Variants in PPM1A observed in about 807,000 individuals in gnomAD.
PPM1A encodes protein phosphatase 1A.
A neutral mutation model predicts 35.0 loss-of-function variants in PPM1A; 7 were observed. The observed-to-expected ratio is 0.20, with a 90% CI of 0.11 to 0.38. The LOEUF (loss-of-function observed/expected upper bound fraction) is 0.38, where lower values mean the gene tolerates loss of function less well. Among genes scored for constraint, PPM1A ranks in the 10% least tolerant of loss-of-function variants. The pLI, the probability that PPM1A is intolerant of heterozygous loss-of-function variation, is 1.00. For missense variants in PPM1A, 239 were observed against 467.8 expected, an observed-to-expected ratio of 0.51 and a Z score of 4.51; for synonymous variants, 153 against 167.3, an observed-to-expected ratio of 0.91 and a Z score of 0.66.
In PPM1A at chr14:60,249,752, TG is replaced by T. The variant is rs913010874; in HGVS notation, c.-21+79del. On this transcript the variant is annotated intron_variant, in intron 1 of 5. Transcript: ENST00000395076. The surrounding 1 kb of genome is among the most constrained non-coding windows in gnomAD (Gnocchi z 4.5). Reference sequence around the variant, plus strand: ...GCGCGGCGGCGGCGGCGGGCAGGCCTGGGGCCTGTAAACAAGCCGGGCGTCT... The same window carrying T: ...GCGCGGCGGCGGCGGCGGGCAGGCCTGGGCCTGTAAACAAGCCGGGCGTCT... 212 of 914,914 alleles carry T rather than the reference TG, an allele frequency of 2.3e-4. 1 individual carries two copies. Among genetic ancestry groups the T allele is most frequent in the Admixed American group, 6.9e-4 (11 of 15,898 alleles). The allele number at this position is 914,914 out of a possible 1,614,324, so 56.7% of individuals were successfully genotyped here.
At chr14:60,260,120 G>C (rs1270512315) in intron 1 of PPM1A, among the ~76,000 whole-genome samples, 1 of 151,776 alleles carries the variant, frequency 6.6e-6, no homozygotes, top group African/African-American at 2.4e-5. Context: ...AAAATTTTGG[G>C]GTAAAAAAAA....
At chr14:60,266,283 T>C (rs555834223) in intron 1 of PPM1A, among the ~76,000 whole-genome samples, 1 of 152,314 alleles carries the variant, frequency 6.6e-6, no homozygotes, top group African/African-American at 2.4e-5. Flanking sequence ...TGTAGTAATG[T>C]TAACTTTTGT....
chr14:60,263,026 G>A (rs1243732958), intron 1 of PPM1A, among the ~76,000 whole-genome samples: 2 of 152,084 alleles, frequency 1.3e-5, no homozygotes, highest in Non-Finnish European at 2.9e-5. Flanking sequence ...AGACCAGCCC[G>A]GCCAACATGG....
intron 5 of PPM1A, among the ~76,000 whole-genome samples, chr14:60,291,780 G>A (rs1426154167): frequency 6.7e-6 from 1 of 148,556 alleles, no homozygotes; most frequent in Non-Finnish European, 1.5e-5. Flanking sequence ...CCGAAGTTGG[G>A]ACTATCTCTA....
At chr14:60,267,954 C>T (rs1329167737) in intron 1 of PPM1A, among the ~76,000 whole-genome samples, 2 of 151,956 alleles carry the variant, frequency 1.3e-5, no homozygotes, top group Non-Finnish European at 2.9e-5. Flanking sequence ...AATGTGTGTC[C>T]CCTAAGAACA....
At chr14:60,286,058 A>G (rs1886970251) in intron 3 of PPM1A, 1 of 1,013,160 alleles carries the variant, frequency 9.9e-7, no homozygotes, top group South Asian at 4.5e-5. Context: ...TGCCGGGAAA[A>G]TCTGATTTGT....
chr14:60,286,711 A>G (rs1887054183), intron 3 of PPM1A: 4 of 983,818 alleles, frequency 4.1e-6, no homozygotes, highest in Non-Finnish European at 4.8e-6. Context: ...GTTTGATACC[A>G]ATCATAATCA....
At chr14:60,284,925 TG>T (rs202164757) in intron 2 of PPM1A, among the ~76,000 whole-genome samples, 18 of 151,550 alleles carry the variant, frequency 1.2e-4, no homozygotes, top group African/African-American at 2.9e-4. Context: ...TATTCTTTGA[TG>T]TTTTTTTAAA....
chr14:60,278,910 T>A (rs1451235069), intron 1 of PPM1A, among the ~76,000 whole-genome samples: 1 of 152,228 alleles, frequency 6.6e-6, no homozygotes, highest in Non-Finnish European at 1.5e-5. Context: ...ACATTGACTA[T>A]TATGGTTCTC....
In PPM1A at chr14:60,293,851, C is replaced by A. The variant is rs1216146460; in HGVS notation, c.*1369C>A. On this transcript the variant is annotated 3_prime_UTR_variant, in exon 6 of 6. Transcript: ENST00000395076. The surrounding 1 kb of genome is among the most constrained non-coding windows in gnomAD (Gnocchi z 4.0). ...AAGGAATTGTAGATATAAAAATAAC[C>A]TAATTTAATTTAGGCTTAAATTCCT... is the stretch of plus-strand genomic sequence containing the variant. 2.0e-5 allele frequency: 3 copies of A among 151,832 alleles called. No homozygotes were observed. The highest frequency in any genetic ancestry group is 2.9e-5 in the Non-Finnish European group (2 of 67,868). The allele number at this position is 151,832 out of a possible 1,614,324, so 9.4% of individuals were successfully genotyped here. A position where few individuals can be genotyped will look rare whatever the true frequency, so the allele number is the denominator to read the frequency against.
At chr14:60,288,048 T>A (rs1887222503) in intron 3 of PPM1A, 12 of 980,560 alleles carry the variant, frequency 1.2e-5, no homozygotes, top group Non-Finnish European at 1.5e-5. Context: ...ATTAAAGGAA[T>A]ATTTCTTAAA....
rs1401407871 is a variant in PPM1A, at chr14:60,273,333, A to G, written c.-20-9351A>G. Among the ~76,000 whole-genome samples the G allele has an allele frequency of 6.6e-6, 1 of 152,186 alleles. No homozygotes were observed. The highest frequency in any genetic ancestry group is 1.5e-5 in the Non-Finnish European group (1 of 68,040). ...GACATGAGAGAACAGCTGTTAAGGT[A>G]GGGAAAGTAGCATTTGTTTATATAT... On this transcript the variant is annotated intron_variant, in intron 1 of 5. Transcript: ENST00000395076. This position sits in a 1 kb window ranked among gnomAD's most constrained non-coding sequence, Gnocchi z 4.3.
chr14:60,286,887 G>A (rs573348241), intron 3 of PPM1A: 171 of 972,720 alleles, frequency 1.8e-4, no homozygotes, highest in Admixed American at 3.1e-4. Context: ...TCTCCTTACT[G>A]TTACCAAGGG....
At chr14:60,259,518 G>A (rs992196966) in intron 1 of PPM1A, among the ~76,000 whole-genome samples, 11 of 151,930 alleles carry the variant, frequency 7.2e-5, no homozygotes, top group Middle Eastern at 3.2e-3. Context: ...AATATGCGGC[G>A]ATTTATAAGT....
In PPM1A at chr14:60,286,323, G is replaced by C. The variant is rs955810151; in HGVS notation, c.952+582G>C. ...TAAAAGACATAATATTTCTCCACCT[G>C]GCAGAAAAGTAACTGCCAAGTAAGA... is the stretch of plus-strand genomic sequence containing the variant. On this transcript the variant is annotated intron_variant, in intron 3 of 5. Transcript: ENST00000395076. 12 of 985,512 alleles carry C rather than the reference G, an allele frequency of 1.2e-5. No homozygotes were observed. The South Asian group carries it at 3.8e-4, about 31-fold the overall frequency. The allele number at this position is 985,512 out of a possible 1,614,324, so 61.0% of individuals were successfully genotyped here.
chr14:60,268,657 A>G (rs1454493710), intron 1 of PPM1A, among the ~76,000 whole-genome samples: 2 of 151,722 alleles, frequency 1.3e-5, no homozygotes, highest in African/African-American at 4.8e-5. Context: ...TTTTTTAACT[A>G]AGTGTGAATT....
At chr14:60,272,409 T>C (rs1885237184) in intron 1 of PPM1A, among the ~76,000 whole-genome samples, 1 of 151,852 alleles carries the variant, frequency 6.6e-6, no homozygotes, top group Non-Finnish European at 1.5e-5. Context: ...GTGGAAGACA[T>C]TTTAAGACAC....
At chr14:60,288,603 A>G in intron 3 of PPM1A, 1 of 869,352 alleles carries the variant, frequency 1.2e-6, no homozygotes, top group Middle Eastern at 6.0e-4. Context: ...TTTTTTTTTT[A>G]AGGCAAAAAA....
At position 60,249,815 on chromosome 14, in the gene PPM1A, C is replaced by T. The variant is rs1882122191; in HGVS notation, c.-21+138C>T. 1 of 377,094 alleles carries T rather than the reference C, an allele frequency of 2.7e-6. No individual in the cohort carries two copies. The highest frequency in any genetic ancestry group is 3.7e-6 in the Non-Finnish European group (1 of 273,710). The allele number at this position is 377,094 out of a possible 1,614,324, so 23.4% of individuals were successfully genotyped here. On this transcript the variant is annotated intron_variant, in intron 1 of 5. Coordinates refer to ENST00000395076, the MANE Select transcript of PPM1A (RefSeq NM_021003.5). This position sits in a 1 kb window ranked among gnomAD's most constrained non-coding sequence, Gnocchi z 4.5. ...CCCGGGAGGAGACGCGACAACTCCA[C>T]CCCCTGGCCGGCCTCCTCCCCCGAG... is the stretch of plus-strand genomic sequence containing the variant.
Sources: allele counts gnomAD v4.1 joint callset (sites outside exome capture counted in the v4.1 genomes callset), GRCh38; gene constraint gnomAD v4.1.1; non-coding constraint Gnocchi (gnomAD v3.1); transcripts MANE v1.5; gene names NCBI Gene and HGNC (gene_info 2026-07-23, HGNC 2026-07-21).